The following PKHD1 variants were observed in gnomAD, a reference collection of about 807,000 sequenced individuals.
PKHD1 encodes the protein fibrocystin.
A neutral mutation model predicts 412.0 loss-of-function variants in PKHD1; 291 were observed. That is an observed-to-expected ratio of 0.71 (90% CI 0.64 to 0.78). The LOEUF (loss-of-function observed/expected upper bound fraction) is 0.78. Among genes scored for constraint, PKHD1 ranks in the 30% least tolerant of loss-of-function variants. PKHD1 has a pLI of 0.00. For missense variants in PKHD1, 4,825 were observed against 4,950.7 expected (o/e 0.97, Z 0.76); for synonymous variants, 1,777 against 1,821.5 (o/e 0.98, Z 0.62).
chr6:51,934,649 A>G (rs1199314983), intron 36 of PKHD1, among the ~76,000 whole-genome samples: 1 of 79,072 alleles, frequency 1.3e-5, no homozygotes, highest in Non-Finnish European at 2.4e-5. Context: ...AATAGATAAA[A>G]TTAAGAAAAA....
chr6:51,799,352 T>A (rs1323999334), intron 52 of PKHD1, among the ~76,000 whole-genome samples: 2 of 152,090 alleles, frequency 1.3e-5, no homozygotes, highest in Non-Finnish European at 2.9e-5. Flanking sequence ...TTTCCCATAA[T>A]GTGACAAATT....
intron 60 of PKHD1, chr6:51,720,785 GTATA>G (rs71542398): frequency 0.014 from 1,929 of 142,356 alleles, 35 homozygotes; most frequent in East Asian, 0.095. Flanking sequence ...GTGTGTGTGT[GTATA>G]TATATACAAT....
intron 40 of PKHD1, among the ~76,000 whole-genome samples, chr6:51,907,873 T>C (rs1480441012): frequency 6.6e-6 from 1 of 152,158 alleles, no homozygotes; most frequent in Non-Finnish European, 1.5e-5. Context: ...TTTTAAGCAC[T>C]GAACTCTTTT....
intron 48 of PKHD1, among the ~76,000 whole-genome samples, chr6:51,859,117 A>T (rs571871007): frequency 6.6e-6 from 1 of 152,276 alleles, no homozygotes; most frequent in Non-Finnish European, 1.5e-5. Context: ...ACCACTTTTT[A>T]AAAATAGTTT....
intron 36 of PKHD1, among the ~76,000 whole-genome samples, chr6:51,949,235 C>CCTAT (rs1353399973): frequency 6.6e-6 from 1 of 152,126 alleles, no homozygotes; most frequent in Non-Finnish European, 1.5e-5. Flanking sequence ...AATTTAGCAG[C>CCTAT]CTATATATTC....
chr6:51,806,129 C>T (rs558514525), intron 52 of PKHD1, among the ~76,000 whole-genome samples: 162 of 151,856 alleles, frequency 1.1e-3, no homozygotes, highest in Middle Eastern at 0.01. Context: ...TGTTAAATGA[C>T]GAGTTAATGG....
intron 45 of PKHD1, 94 bp from the exon 46 acceptor site, chr6:51,883,321 A>G (rs747175065): frequency 5.7e-4 from 651 of 1,140,516 alleles, no homozygotes; most frequent in Non-Finnish European, 8.1e-4. Flanking sequence ...AGTAGAAAGA[A>G]GCATGCTATA....
chr6:51,849,797 T>A (rs758730740), intron 49 of PKHD1, among the ~76,000 whole-genome samples: 1 of 152,242 alleles, frequency 6.6e-6, no homozygotes, highest in Admixed American at 6.5e-5. Context: ...ATATTAGACT[T>A]CTGTCAGATG....
chr6:52,003,126 A>G (rs899683688), intron 35 of PKHD1, among the ~76,000 whole-genome samples: 1 of 152,202 alleles, frequency 6.6e-6, no homozygotes, highest in Admixed American at 6.5e-5. Flanking sequence ...ATTTCCCAAG[A>G]GAAAAAAAAT....
At chr6:51,902,015 A>G (rs976499559) in intron 43 of PKHD1, among the ~76,000 whole-genome samples, 1 of 152,080 alleles carries the variant, frequency 6.6e-6, no homozygotes. Context: ...AGCCAGCTCA[A>G]CCCTTCTTCT....
intron 35 of PKHD1, among the ~76,000 whole-genome samples, chr6:51,984,554 G>A (rs538204628): frequency 2.0e-5 from 3 of 152,298 alleles, no homozygotes; most frequent in Admixed American, 6.5e-5. Context: ...ACAGTCCTAA[G>A]AACAATGGTC....
At chr6:52,031,089 C>CATA (rs1217077035) in intron 29 of PKHD1, among the ~76,000 whole-genome samples, 2 of 152,182 alleles carry the variant, frequency 1.3e-5, no homozygotes, top group East Asian at 3.8e-4. Context: ...TTTATTGGTG[C>CATA]TTACTCTATG....
chr6:52,044,893 T>C (rs1805531655), intron 25 of PKHD1, 73 bp downstream of exon 25: 5 of 1,543,086 alleles, frequency 3.2e-6, no homozygotes, highest in East Asian at 2.2e-5. Flanking sequence ...AATGAGTCCA[T>C]GTTACAAATC....
At chr6:51,992,080 C>T (rs906838772) in intron 35 of PKHD1, among the ~76,000 whole-genome samples, 2 of 152,172 alleles carry the variant, frequency 1.3e-5, no homozygotes, top group Non-Finnish European at 2.9e-5. Context: ...AGCTTCTAAG[C>T]ATTTCTGAAT....
At chr6:51,978,690 G>C (rs1414446133) in intron 35 of PKHD1, among the ~76,000 whole-genome samples, 2 of 152,168 alleles carry the variant, frequency 1.3e-5, no homozygotes, top group Non-Finnish European at 2.9e-5. Flanking sequence ...AATACAAGTA[G>C]GGATCAGCCC....
intron 50 of PKHD1, among the ~76,000 whole-genome samples, chr6:51,837,076 C>T (rs931003616): frequency 1.3e-5 from 2 of 152,062 alleles, no homozygotes; most frequent in African/African-American, 2.4e-5. Context: ...CAGGATAAAC[C>T]AGTAGATTAA....
At chr6:51,702,224 T>TATATTATACGTATAATATATA (rs1562129855) in intron 60 of PKHD1, among the ~76,000 whole-genome samples, 9 of 147,746 alleles carry the variant, frequency 6.1e-5, no homozygotes, top group South Asian at 2.1e-4. Flanking sequence ...ATATATTATA[T>TATATTATACGTATAATATATA]ATATGTCATG....
At chr6:51,744,602 T>G in intron 59 of PKHD1, 60 bp from the exon 60 acceptor site, 1 of 1,302,338 alleles carries the variant, frequency 7.7e-7, no homozygotes. Context: ...GAAGAAAATA[T>G]ACATTGGTAG....
intron 61 of PKHD1, among the ~76,000 whole-genome samples, chr6:51,651,544 G>C (rs1770971310): frequency 6.6e-6 from 1 of 152,018 alleles, no homozygotes; most frequent in African/African-American, 2.4e-5. Flanking sequence ...AAAGGAAAAG[G>C]GCACTGTCTT....
Sources: gnomAD v4.1 joint callset for allele counts (sites outside exome capture counted in the v4.1 genomes callset) on GRCh38, gnomAD v4.1.1 for gene constraint, MANE v1.5 for transcripts, NCBI Gene and HGNC (gene_info 2026-07-23, HGNC 2026-07-21) for gene names.